Variants in CLSTN2 observed in about 807,000 individuals in gnomAD.
CLSTN2 encodes the protein calsyntenin 2, also known as calsyntenin-2.
CLSTN2 carries 48 observed loss-of-function variants against 101.2 expected under a neutral mutation model. The observed-to-expected ratio is 0.47, with a 90% CI of 0.38 to 0.60. The LOEUF is 0.60. Among genes scored for constraint, CLSTN2 ranks in the 20% least tolerant of loss-of-function variants. The pLI, the probability that CLSTN2 is intolerant of heterozygous loss-of-function variation, is 0.00. For synonymous variants in CLSTN2, 481 were observed against 463.6 expected (o/e 1.04, Z -0.48); for missense variants, 1,160 against 1,238.2 (o/e 0.94, Z 0.95).
rs866337639 is a variant in CLSTN2, at chr3:140,209,355, G to A, written c.232+33282G>A. 4.6e-5 allele frequency among the ~76,000 whole-genome samples: 7 copies of A among 152,188 alleles called. No individual in the cohort carries two copies. In the South Asian group the frequency reaches 1.4e-3, roughly 32 times the overall value. ...GGACTCTGATCCCTTATGCTTTCAGGACAGTGGGTTCTCTTTCTTTCAGCT... is the reference window on the plus strand; with the variant it reads ...GGACTCTGATCCCTTATGCTTTCAGAACAGTGGGTTCTCTTTCTTTCAGCT... On this transcript the variant is annotated intron_variant, in intron 2 of 16. Coordinates refer to ENST00000458420, the MANE Select transcript of CLSTN2 (RefSeq NM_022131.3).
At chr3:140,501,705 C>CTCTA (rs1226368835) in intron 8 of CLSTN2, among the ~76,000 whole-genome samples, 1 of 152,256 alleles carries the variant, frequency 6.6e-6, no homozygotes, top group African/African-American at 2.4e-5. Flanking sequence ...TACACAGACA[C>CTCTA]TCTATCTAAA....
intron 4 of CLSTN2, among the ~76,000 whole-genome samples, chr3:140,415,507 A>AAAAC (rs1424686668): frequency 1.4e-5 from 2 of 147,944 alleles, no homozygotes; most frequent in African/African-American, 5.1e-5. Context: ...AAAAAAAAAA[A>AAAAC]AAACAAACTG....
At chr3:140,274,356 C>T (rs2086774177) in intron 2 of CLSTN2, among the ~76,000 whole-genome samples, 1 of 152,196 alleles carries the variant, frequency 6.6e-6, no homozygotes, top group Admixed American at 6.5e-5. Context: ...ATGAGGGAGG[C>T]TGGACCAGCT....
At chr3:140,138,044 A>G (rs1425928051) in intron 1 of CLSTN2, among the ~76,000 whole-genome samples, 1 of 152,220 alleles carries the variant, frequency 6.6e-6, no homozygotes, top group Non-Finnish European at 1.5e-5. Context: ...TGGTCAGTGC[A>G]GCATGGAAGG....
chr3:140,097,572 A>T (rs969140905), intron 1 of CLSTN2, among the ~76,000 whole-genome samples: 4 of 152,228 alleles, frequency 2.6e-5, no homozygotes, highest in African/African-American at 9.6e-5. Flanking sequence ...AAATGCATAC[A>T]TAGTTGTATA....
chr3:140,462,386 T>C (rs550117446), intron 7 of CLSTN2, among the ~76,000 whole-genome samples: 1 of 152,354 alleles, frequency 6.6e-6, no homozygotes, highest in South Asian at 2.1e-4. Context: ...AACACAGCAA[T>C]GCTGTAAAGA....
At chr3:140,214,475 T>G (rs1474551844) in intron 2 of CLSTN2, among the ~76,000 whole-genome samples, 1 of 151,736 alleles carries the variant, frequency 6.6e-6, no homozygotes, top group Non-Finnish European at 1.5e-5. Flanking sequence ...ATAGGTCCAC[T>G]TTGAAGGGGT....
chr3:140,358,542 T>C (rs920785655), intron 2 of CLSTN2, among the ~76,000 whole-genome samples: 2 of 152,148 alleles, frequency 1.3e-5, no homozygotes, highest in Non-Finnish European at 2.9e-5. Context: ...CTTTCAGCCA[T>C]GGAAATGTGA....
At chr3:140,291,204 C>A (rs1030437674) in intron 2 of CLSTN2, among the ~76,000 whole-genome samples, 3 of 152,072 alleles carry the variant, frequency 2.0e-5, no homozygotes, top group Non-Finnish European at 4.4e-5. Context: ...AGAGCCTGGC[C>A]CGAGATGAGC....
At chr3:140,369,229 A>G (rs1271881607) in intron 2 of CLSTN2, among the ~76,000 whole-genome samples, 1 of 152,232 alleles carries the variant, frequency 6.6e-6, no homozygotes, top group South Asian at 2.1e-4. Context: ...TAGTAAATTC[A>G]TCAATTGGAT....
chr3:140,015,907 C>A (rs1576397674), intron 1 of CLSTN2, among the ~76,000 whole-genome samples: 1 of 152,236 alleles, frequency 6.6e-6, no homozygotes, highest in Non-Finnish European at 1.5e-5. Flanking sequence ...TTAAGTTTCC[C>A]AGTTGGTACC....
chr3:140,373,191 T>G (rs1348161842), intron 2 of CLSTN2, among the ~76,000 whole-genome samples: 2 of 152,232 alleles, frequency 1.3e-5, no homozygotes, highest in African/African-American at 4.8e-5. Flanking sequence ...ACTGTGACTG[T>G]GTATAACATT....
At position 140,221,304 on chromosome 3, in the gene CLSTN2, G is replaced by A. The variant is rs115729669; in HGVS notation, c.232+45231G>A. Among the ~76,000 whole-genome samples, 232 of 152,190 alleles carry A rather than the reference G, an allele frequency of 1.5e-3. 2 individuals carry two copies. The highest frequency in any genetic ancestry group is 4.4e-3 in the African/African-American group (182 of 41,510). ...ATTATTTATCTTACTTAATGTGAAC[G>A]TGTCTATGTTTAGATGTGGAAATAA... is the stretch of plus-strand genomic sequence containing the variant. On this transcript the variant is annotated intron_variant, in intron 2 of 16. Transcript: ENST00000458420.
intron 8 of CLSTN2, among the ~76,000 whole-genome samples, chr3:140,504,082 T>G (rs73231241): frequency 0.1 from 15,504 of 152,220 alleles, 1,033 homozygotes; most frequent in Non-Finnish European, 0.15. Context: ...CCTCATCCAC[T>G]TCTGCCAGAT....
intron 1 of CLSTN2, among the ~76,000 whole-genome samples, chr3:140,019,641 A>G (rs2007268365): frequency 6.6e-6 from 1 of 152,156 alleles, no homozygotes; most frequent in Non-Finnish European, 1.5e-5. Flanking sequence ...AAGAGTTTAA[A>G]GCAGAGGAAG....
At chr3:140,293,413 G>A (rs1045841804) in intron 2 of CLSTN2, among the ~76,000 whole-genome samples, 3 of 152,084 alleles carry the variant, frequency 2.0e-5, no homozygotes, top group Non-Finnish European at 4.4e-5. Flanking sequence ...TTCCTCATGG[G>A]TAGGCCATGG....
chr3:140,023,396 A>G (rs991026211), intron 1 of CLSTN2, among the ~76,000 whole-genome samples: 5 of 152,196 alleles, frequency 3.3e-5, no homozygotes, highest in African/African-American at 9.7e-5. Context: ...AGTTATGGCC[A>G]AAACAGGGAG....
intron 1 of CLSTN2, among the ~76,000 whole-genome samples, chr3:140,137,027 G>A (rs2009625706): frequency 6.6e-6 from 1 of 152,110 alleles, no homozygotes; most frequent in South Asian, 2.1e-4. Flanking sequence ...TTATATTGGA[G>A]GTTGAAGCTA....
At chr3:140,123,087 G>T (rs1312253434) in intron 1 of CLSTN2, among the ~76,000 whole-genome samples, 1 of 149,388 alleles carries the variant, frequency 6.7e-6, no homozygotes, top group African/African-American at 2.5e-5. Flanking sequence ...CCAAGATGAA[G>T]GTGCTGGCAG....
Sources: allele counts gnomAD v4.1 joint callset (sites outside exome capture counted in the v4.1 genomes callset), GRCh38; gene constraint gnomAD v4.1.1; transcripts MANE v1.5; gene names NCBI Gene and HGNC (gene_info 2026-07-23, HGNC 2026-07-21).